PRIM2: variants seen among roughly 807,000 people sequenced by gnomAD.
The protein encoded by PRIM2 is DNA primase large subunit.
A neutral mutation model predicts 67.3 loss-of-function variants in PRIM2; 39 were observed. That is an observed-to-expected ratio of 0.58 (90% CI 0.45 to 0.76). The LOEUF is 0.76. PRIM2 is among the 30% of genes least tolerant of loss of function. The pLI is 0.00. For synonymous variants in PRIM2, 143 were observed against 198.7 expected, an observed-to-expected ratio of 0.72 and a Z score of 2.36; for missense variants, 398 against 598.7, an observed-to-expected ratio of 0.66 and a Z score of 3.50.
At chr6:57,252,844 C>T in the PRIM2 span, among the ~76,000 whole-genome samples, 1 of 152,214 alleles carries the variant, frequency 6.6e-6, no homozygotes, top group Admixed American at 6.5e-5. Flanking sequence ...ATCCTTGAAC[C>T]TCTCATTATG....
chr6:57,356,252 A>G (rs1442507132), intron 5 of PRIM2, among the ~76,000 whole-genome samples: 1 of 152,210 alleles, frequency 6.6e-6, no homozygotes, highest in African/African-American at 2.4e-5. Flanking sequence ...TGTCATCTGT[A>G]AAATAGAGTA....
intron 6 of PRIM2, among the ~76,000 whole-genome samples, chr6:57,380,789 A>G (rs1195565176): frequency 3.4e-5 from 5 of 148,354 alleles, no homozygotes; most frequent in Non-Finnish European, 5.9e-5. Context: ...ACACATTTCC[A>G]GTTACTCTGC....
At chr6:57,329,680 GCCA>G (rs1767988819) in intron 5 of PRIM2, among the ~76,000 whole-genome samples, 1 of 152,128 alleles carries the variant, frequency 6.6e-6, no homozygotes, top group Non-Finnish European at 1.5e-5. Context: ...GGTGCCATCT[GCCA>G]TGATTGTAAG....
At chr6:57,562,601 C>G (rs1186789738) in intron 10 of PRIM2, among the ~76,000 whole-genome samples, 1 of 152,128 alleles carries the variant, frequency 6.6e-6, no homozygotes, top group African/African-American at 2.4e-5. Flanking sequence ...GATCTATGTT[C>G]TAGATTATAC....
chr6:57,576,996 AC>A (rs1318852296), intron 10 of PRIM2, among the ~76,000 whole-genome samples: 1 of 152,046 alleles, frequency 6.6e-6, no homozygotes, highest in African/African-American at 2.4e-5. Flanking sequence ...CATAGTAAAT[AC>A]AAATGACTTT....
intron 5 of PRIM2, among the ~76,000 whole-genome samples, chr6:57,357,460 C>CGTTT (rs1196676076): frequency 6.6e-6 from 1 of 152,172 alleles, no homozygotes; most frequent in Non-Finnish European, 1.5e-5. Context: ...GTTGTGAAAA[C>CGTTT]ATGTTTTTTC....
intron 7 of PRIM2, among the ~76,000 whole-genome samples, chr6:57,459,852 G>C (rs1174195854): frequency 6.6e-6 from 1 of 152,084 alleles, no homozygotes; most frequent in Non-Finnish European, 1.5e-5. Context: ...CCTTCACAGT[G>C]CCACCTCGAT....
intron 10 of PRIM2, among the ~76,000 whole-genome samples, chr6:57,580,327 G>A (rs1393269709): frequency 5.3e-5 from 8 of 152,186 alleles, no homozygotes; most frequent in Non-Finnish European, 1.2e-4. Flanking sequence ...TATGAGTAGT[G>A]TAGGGGAGAA....
intron 7 of PRIM2, among the ~76,000 whole-genome samples, chr6:57,385,125 A>AT (rs1410584081): frequency 1.3e-5 from 2 of 152,212 alleles, no homozygotes; most frequent in African/African-American, 2.4e-5. Context: ...AAATTTTACA[A>AT]TTTTTTTCTA....
chr6:57,419,679 T>C (rs1352943329), intron 7 of PRIM2, among the ~76,000 whole-genome samples: 1 of 152,248 alleles, frequency 6.6e-6, no homozygotes, highest in South Asian at 2.1e-4. Flanking sequence ...ATTATAGGAT[T>C]GGAGATGAGG....
At chr6:57,592,182 A>C (rs1338489818) in intron 10 of PRIM2, among the ~76,000 whole-genome samples, 3 of 152,206 alleles carry the variant, frequency 2.0e-5, no homozygotes, top group Non-Finnish European at 4.4e-5. Context: ...GGAAAGAGGG[A>C]AAAGAAGAAG....
intron 7 of PRIM2, among the ~76,000 whole-genome samples, chr6:57,460,298 G>GT (rs1404592829): frequency 2.6e-5 from 4 of 152,052 alleles, no homozygotes; most frequent in African/African-American, 9.7e-5. Context: ...TTAGGAACAT[G>GT]TTTAACTTGA....
intron 10 of PRIM2, among the ~76,000 whole-genome samples, chr6:57,592,556 A>T (rs1487776799): frequency 6.6e-6 from 1 of 152,092 alleles, no homozygotes; most frequent in African/African-American, 2.4e-5. Flanking sequence ...GCACTTTGGG[A>T]GGCTGAGGTG....
intron 11 of PRIM2, among the ~76,000 whole-genome samples, chr6:57,602,297 C>T (rs1180157156): frequency 6.6e-6 from 1 of 152,126 alleles, no homozygotes; most frequent in Admixed American, 6.5e-5. Context: ...GTGATCTGCT[C>T]GCCTTGGCCT....
chr6:57,529,427 A>G (rs1774839241), intron 8 of PRIM2, among the ~76,000 whole-genome samples: 1 of 152,196 alleles, frequency 6.6e-6, no homozygotes. Context: ...AAAAAGAAAT[A>G]ACATTTTTAT....
chr6:57,495,921 A>G (rs1773994365), intron 7 of PRIM2, among the ~76,000 whole-genome samples: 2 of 150,814 alleles, frequency 1.3e-5, no homozygotes. Context: ...TTTTTTTTTT[A>G]TTTTTAGTGG....
At chr6:57,331,972 TC>T (rs1422868636) in intron 5 of PRIM2, among the ~76,000 whole-genome samples, 1 of 151,824 alleles carries the variant, frequency 6.6e-6, no homozygotes, top group Non-Finnish European at 1.5e-5. Context: ...TCTTCTAGTT[TC>T]TTAAGGTAGG....
At chr6:57,545,744 C>A (rs1401749465) in intron 10 of PRIM2, among the ~76,000 whole-genome samples, 1 of 152,118 alleles carries the variant, frequency 6.6e-6, no homozygotes, top group Non-Finnish European at 1.5e-5. Context: ...CCTCCAAGAC[C>A]TTATTCACGA....
At chr6:57,585,498 A>G (rs1383239468) in intron 10 of PRIM2, among the ~76,000 whole-genome samples, 5 of 152,194 alleles carry the variant, frequency 3.3e-5, no homozygotes, top group African/African-American at 1.2e-4. Context: ...AATTACGGAG[A>G]TGAAAGAAAC....
Sources: gnomAD v4.1 joint callset for allele counts (sites outside exome capture counted in the v4.1 genomes callset) on GRCh38, gnomAD v4.1.1 for gene constraint, MANE v1.5 for transcripts, NCBI Gene and HGNC (gene_info 2026-07-23, HGNC 2026-07-21) for gene names.